The following LETMD1 variants were observed in gnomAD, a reference collection of about 807,000 sequenced individuals.
LETMD1 encodes LETM1 domain containing 1.
Under a neutral mutation model 43.9 loss-of-function variants are expected in LETMD1, and 30 were observed. That is an observed-to-expected ratio of 0.68 (90% CI 0.51 to 0.93). The LOEUF is 0.93. LETMD1 is among the 40% of genes least tolerant of loss of function. The pLI, the probability that LETMD1 is intolerant of heterozygous loss-of-function variation, is 0.00. For synonymous variants in LETMD1, 176 were observed against 163.1 expected (o/e 1.08, Z -0.60); for missense variants, 413 against 447.7 (o/e 0.92, Z 0.70).
Position 51,058,623 on chromosome 12 carries a change from T to C in LETMD1, c.1012+495T>C, listed in dbSNP as rs12307922. 1,212 of 160,512 alleles carry C rather than the reference T, an allele frequency of 7.6e-3. 10 individuals are homozygous for C. Among genetic ancestry groups the C allele is most frequent in the African/African-American group, 0.027 (1,124 of 41,578 alleles). 9.9% of individuals were successfully genotyped at this position (160,512 alleles called of 1,614,324 possible). A position where few individuals can be genotyped will look rare whatever the true frequency, so the allele number is the denominator to read the frequency against. On this transcript the variant is annotated intron_variant, in intron 8 of 8. Coordinates refer to ENST00000262055, the MANE Select transcript of LETMD1 (RefSeq NM_015416.5). ...TTTTAGTAGAGACCAGGTTTCTCCA[T>C]GTTGGTCAGGCTGATCTCGAACTCC...
At chr12:51,052,348 A>ACAAAATAT (rs1200902700) in intron 3 of LETMD1, 141 bp downstream of exon 3, 3 of 886,374 alleles carry the variant, frequency 3.4e-6, no homozygotes, top group Non-Finnish European at 5.0e-6. Flanking sequence ...ATTGAACTGA[A>ACAAAATAT]TGAGGCATCA....
At chr12:51,061,064 C>CTAT (rs1948813561), downstream of LETMD1, 1 of 152,114 alleles carries the variant, frequency 6.6e-6, no homozygotes, top group South Asian at 2.1e-4. Flanking sequence ...AGAGAATATT[C>CTAT]TATTTTTCCA....
intron 8 of LETMD1, chr12:51,059,051 G>A: frequency 2.8e-6 from 1 of 352,184 alleles, no homozygotes; most frequent in Admixed American, 3.9e-5. Flanking sequence ...TTGAAGCTGA[G>A]AAATGTCCCT....
Position 51,048,338 on chromosome 12 carries a change from C to A in LETMD1, c.-19C>A. 1 of 1,613,914 alleles carries A rather than the reference C, an allele frequency of 6.2e-7. No homozygotes were observed. Among genetic ancestry groups the A allele is most frequent in the East Asian group, 2.2e-5 (1 of 44,890 alleles). ...GACCCAAAGACAACCTCTTCTCTCC[C>A]GCTTCTCTCGCTGTGAAGATGGCGC... On this transcript the variant is annotated 5_prime_UTR_variant, in exon 1 of 9. Coordinates refer to ENST00000262055, the MANE Select transcript of LETMD1 (RefSeq NM_015416.5).
downstream of LETMD1, chr12:51,062,089 A>T (rs1592732338): frequency 6.6e-6 from 1 of 152,344 alleles, no homozygotes; most frequent in Non-Finnish European, 1.5e-5. Context: ...AGGCAGAATG[A>T]ACTAAAAAAT....
chr12:51,064,515 G>C, downstream of LETMD1: 1 of 1,612,970 alleles, frequency 6.2e-7, no homozygotes, highest in Non-Finnish European at 8.5e-7. Flanking sequence ...ATCTGGGGCT[G>C]CTGGGCGGCT....
At chr12:51,068,855 T>G in the LETMD1 span, among the ~76,000 whole-genome samples, 11 of 152,134 alleles carry the variant, frequency 7.2e-5, no homozygotes, top group Non-Finnish European at 1.3e-4. Context: ...ATCCCCACAG[T>G]GTGAACAATT....
intron 7 of LETMD1, 144 bp downstream of exon 7, chr12:51,056,646 A>T (rs1241662427): frequency 1.6e-6 from 1 of 618,696 alleles, no homozygotes; most frequent in Non-Finnish European, 2.7e-6. Context: ...TTTATTTATG[A>T]TTTATTTTTA....
chr12:51,049,179 A>G lies in LETMD1; in HGVS notation c.268A>G (p.Met90Val). Residue 90 changes from methionine (M) to valine (V), a missense_variant, in exon 2 of 9, where the codon ATG becomes GTG. Physicochemically the swap from Met to Val is conservative, Grantham distance 21. Coordinates refer to ENST00000262055, the MANE Select transcript of LETMD1 (RefSeq NM_015416.5). ...CTTCTATGTCCTGTACACAATCTTC[A>G]TGAAAGGTAAAAACGAAACTACAAT... ...PRFYVLYTIF[M>V]KGLQMLWADA... The G allele has an allele frequency of 1.2e-6, 2 of 1,609,920 alleles. No homozygotes were observed. The highest frequency in any genetic ancestry group is 2.2e-5 in the East Asian group (1 of 44,818).
intron 4 of LETMD1, 164 bp from the exon 5 acceptor site, chr12:51,055,665 TAAAAAA>T (rs56285797): frequency 1.2e-4 from 18 of 150,386 alleles, no homozygotes; most frequent in South Asian, 4.4e-4. Context: ...CCCTGTCTCT[TAAAAAA>T]AAAAAAAAAA....
chr12:51,048,364 T>A lies in LETMD1; in HGVS notation c.8T>A (p.Leu3His). 6.2e-7 allele frequency: 1 copy of A among 1,614,050 alleles called. No homozygotes were observed. The highest frequency in any genetic ancestry group is 2.2e-5 in the East Asian group (1 of 44,868). ...GCTTCTCTCGCTGTGAAGATGGCGC[T>A]CTCCAGGGTGTGCTGGGCTCGGTCG... is the stretch of plus-strand genomic sequence containing the variant. MA[L>H]SRVCWARSAV... is the part of the protein sequence containing the mutation. Residue 3 changes from leucine to histidine, a missense_variant, in exon 1 of 9, where the codon CTC (leucine) becomes CAC (histidine). Physicochemically the swap from Leu to His is moderately conservative, Grantham distance 99 (BLOSUM62 -3). Coordinates refer to ENST00000262055, the MANE Select transcript of LETMD1 (RefSeq NM_015416.5).
At chr12:51,062,336 T>A (rs1001538716), downstream of LETMD1, 3 of 152,220 alleles carry the variant, frequency 2.0e-5, no homozygotes, top group Middle Eastern at 6.3e-3. Context: ...GTGTAAAGGA[T>A]GCTTGAGAAG....
At chr12:51,052,943 T>G (rs1946579883) in intron 3 of LETMD1, among the ~76,000 whole-genome samples, 1 of 151,216 alleles carries the variant, frequency 6.6e-6, no homozygotes, top group Non-Finnish European at 1.5e-5. Flanking sequence ...CCATCTCTAC[T>G]AAAAATTCAA....
intron 7 of LETMD1, 68 bp downstream of exon 7, chr12:51,056,570 G>A (rs1947805452): frequency 6.8e-7 from 1 of 1,480,238 alleles, no homozygotes; most frequent in Non-Finnish European, 9.4e-7. Flanking sequence ...CAGGCCGGAG[G>A]TTTACAGGGG....
At chr12:51,064,632 T>C (rs767016607), downstream of LETMD1, 1 of 1,533,462 alleles carries the variant, frequency 6.5e-7, no homozygotes, top group Non-Finnish European at 8.8e-7. Flanking sequence ...CCCACAGCCA[T>C]CCCGGGAGCA....
At chr12:51,063,794 C>T, downstream of LETMD1, 1 of 1,598,780 alleles carries the variant, frequency 6.3e-7, no homozygotes, top group Non-Finnish European at 8.5e-7. Flanking sequence ...GGGGCCGATC[C>T]TCATTCTGCT....
intron 7 of LETMD1, chr12:51,056,703 A>G (rs1947844575): frequency 2.2e-6 from 1 of 449,416 alleles, no homozygotes; most frequent in Admixed American, 3.8e-5. Context: ...TGCCCAGGCT[A>G]GAGTACAGTG....
At chr12:51,049,933 G>A (rs1168632723) in intron 2 of LETMD1, among the ~76,000 whole-genome samples, 1 of 152,210 alleles carries the variant, frequency 6.6e-6, no homozygotes, top group Non-Finnish European at 1.5e-5. Flanking sequence ...TTACCTAACA[G>A]TATTATAAGT....
chr12:51,049,661 C>T (rs896287313), intron 2 of LETMD1, among the ~76,000 whole-genome samples: 1 of 152,178 alleles, frequency 6.6e-6, no homozygotes, highest in Admixed American at 6.5e-5. Context: ...TCCTTAGTTA[C>T]TAGGAGAAGA....
Sources: gnomAD v4.1 joint callset for allele counts (sites outside exome capture counted in the v4.1 genomes callset) on GRCh38, gnomAD v4.1.1 for gene constraint, MANE v1.5 for transcripts, NCBI Gene and HGNC (gene_info 2026-07-23, HGNC 2026-07-21) for gene names.